Variants in CPNE4 observed in about 807,000 individuals in gnomAD.
The protein encoded by CPNE4 is copine-4.
Under a neutral mutation model 67.9 loss-of-function variants are expected in CPNE4, and 25 were observed. The observed-to-expected ratio is 0.37, with a 90% CI of 0.27 to 0.51. The LOEUF (loss-of-function observed/expected upper bound fraction) is 0.51. CPNE4 is among the 20% of genes least tolerant of loss of function. CPNE4 has a pLI of 0.93. For missense variants in CPNE4, 464 were observed against 690.8 expected, an observed-to-expected ratio of 0.67 and a Z score of 3.68; for synonymous variants, 242 against 244.9, an observed-to-expected ratio of 0.99 and a Z score of 0.11.
chr3:131,540,298 G>A (rs1353181986), intron 15 of CPNE4, among the ~76,000 whole-genome samples: 2 of 152,168 alleles, frequency 1.3e-5, no homozygotes, highest in African/African-American at 2.4e-5. Context: ...GTACAGTTAT[G>A]AACAATACCT....
intron 7 of CPNE4, among the ~76,000 whole-genome samples, chr3:131,617,622 A>C (rs1007184071): frequency 6.6e-6 from 1 of 152,192 alleles, no homozygotes; most frequent in African/African-American, 2.4e-5. Flanking sequence ...TTCCCATGCC[A>C]CACTCCCTGT....
rs370738406 is a variant in CPNE4 at position 131,794,459 on chromosome 3, G to A, written c.181-70834C>T. Among the ~76,000 whole-genome samples, 18 of 152,182 alleles carry A rather than the reference G, an allele frequency of 1.2e-4. 1 individual carries two copies. Among genetic ancestry groups the A allele is most frequent in the African/African-American group, 4.3e-4 (18 of 41,528 alleles). ...GGGGTTTCACCATGTTGGCCAGGAT[G>A]GTGTCGATCTCTTGACCTTGTGATC... is the stretch of plus-strand genomic sequence containing the variant. On this transcript the variant is annotated intron_variant, in intron 2 of 15. Coordinates refer to ENST00000429747, the MANE Select transcript of CPNE4 (RefSeq NM_130808.3).
chr3:131,926,389 T>C (rs2070896013), intron 1 of CPNE4, among the ~76,000 whole-genome samples: 1 of 151,968 alleles, frequency 6.6e-6, no homozygotes, highest in Non-Finnish European at 1.5e-5. Context: ...GAATTTAAGA[T>C]GAAAAATAAT....
chr3:131,723,916 T>C lies in CPNE4; in HGVS notation c.181-291A>G, dbSNP rs375264352. ...TTATATCATTATGTCATTTTGTTGA[T>C]GGGAAAACTGAGGTCCAGGGAATTG... On this transcript the variant is annotated intron_variant, in intron 2 of 15. Transcript: ENST00000429747. Among the ~76,000 whole-genome samples the C allele has an allele frequency of 3.0e-4, 45 of 152,072 alleles. No homozygotes were observed. The East Asian group carries it at 5.3e-3, about 18-fold the overall frequency.
intron 1 of CPNE4, among the ~76,000 whole-genome samples, chr3:131,934,246 T>G (rs2071153869): frequency 6.6e-6 from 1 of 152,002 alleles, no homozygotes; most frequent in South Asian, 2.1e-4. Context: ...TTAGGTGGAG[T>G]TAGCAGGTGA....
At chr3:131,998,765 CT>C (rs2073357741) in intron 1 of CPNE4, among the ~76,000 whole-genome samples, 1 of 152,012 alleles carries the variant, frequency 6.6e-6, no homozygotes. Flanking sequence ...TTTGTTCATT[CT>C]TTATTTGCTT....
chr3:131,979,105 C>T (rs1381755119), intron 1 of CPNE4, among the ~76,000 whole-genome samples: 1 of 151,872 alleles, frequency 6.6e-6, no homozygotes, highest in Non-Finnish European at 1.5e-5. Context: ...ATTTTATGGC[C>T]TTTCATATGG....
intron 2 of CPNE4, among the ~76,000 whole-genome samples, chr3:131,874,226 C>A (rs866888321): frequency 6.6e-6 from 1 of 151,972 alleles, no homozygotes; most frequent in African/African-American, 2.4e-5. Flanking sequence ...GTAGCTGAGA[C>A]TACAGGCGCC....
intron 1 of CPNE4, among the ~76,000 whole-genome samples, chr3:131,930,830 G>T (rs1371844254): frequency 1.3e-5 from 2 of 152,062 alleles, no homozygotes; most frequent in Non-Finnish European, 2.9e-5. Flanking sequence ...ATTGAATAGT[G>T]GGGAGCTCTC....
Position 131,535,126 on chromosome 3 carries a change from G to A in CPNE4, c.*69C>T. The A allele has an allele frequency of 1.4e-6, 2 of 1,449,456 alleles. No individual in the cohort carries two copies. The highest frequency in any genetic ancestry group is 2.1e-4 in the Middle Eastern group (1 of 4,656). 89.8% of individuals were successfully genotyped at this position (1,449,456 alleles called of 1,614,324 possible). A position where few individuals can be genotyped will look rare whatever the true frequency, so the allele number is the denominator to read the frequency against. On this transcript the variant is annotated 3_prime_UTR_variant, in exon 16 of 16. Coordinates refer to ENST00000429747, the MANE Select transcript of CPNE4 (RefSeq NM_130808.3). ...GTTGGTTTTTTAAAGTACAGGAGTA[G>A]TAGAAGTATTAAATATGAAATATTA...
rs564306837 is a variant in CPNE4, at chr3:131,789,358, A to C, written c.181-65733T>G. 2.0e-5 allele frequency among the ~76,000 whole-genome samples: 3 copies of C among 152,280 alleles called. No homozygotes were observed. In the South Asian group the frequency reaches 6.2e-4, roughly 32 times the overall value. Reference sequence around the variant, plus strand: ...CTTCTTTTACAAAATGAGGTTATAAATATCCACCTAATAGTAGTGTGGCAG... The same window carrying C: ...CTTCTTTTACAAAATGAGGTTATAACTATCCACCTAATAGTAGTGTGGCAG... On this transcript the variant is annotated intron_variant, in intron 2 of 15. Transcript: ENST00000429747.
intron 7 of CPNE4, among the ~76,000 whole-genome samples, chr3:131,607,619 T>G (rs1939582170): frequency 6.6e-6 from 1 of 152,178 alleles, no homozygotes; most frequent in South Asian, 2.1e-4. Context: ...AAGGTTATCA[T>G]TTTTGAAAAA....
chr3:131,879,287 A>G (rs985012970), intron 2 of CPNE4, among the ~76,000 whole-genome samples: 2 of 152,226 alleles, frequency 1.3e-5, no homozygotes, highest in Non-Finnish European at 2.9e-5. Flanking sequence ...TATACATAAC[A>G]AGGCTGAAAT....
intron 3 of CPNE4, among the ~76,000 whole-genome samples, chr3:131,720,580 G>C (rs759224427): frequency 6.6e-6 from 1 of 152,130 alleles, no homozygotes; most frequent in South Asian, 2.1e-4. Flanking sequence ...CACCGCGCCC[G>C]GCTAGGAATG....
intron 1 of CPNE4, among the ~76,000 whole-genome samples, chr3:131,977,810 T>C (rs189809287): frequency 5.3e-5 from 8 of 151,782 alleles, no homozygotes; most frequent in Admixed American, 5.3e-4. Flanking sequence ...ACCATATTTG[T>C]AGTCTTTTAT....
chr3:131,856,784 C>T (rs1482868006), intron 2 of CPNE4, among the ~76,000 whole-genome samples: 1 of 152,006 alleles, frequency 6.6e-6, no homozygotes, highest in Non-Finnish European at 1.5e-5. Flanking sequence ...TGCCTTAAAG[C>T]ATTTGATCCT....
Position 131,555,559 on chromosome 3 carries a change from C to A in CPNE4, c.1062-8G>T. The A allele has an allele frequency of 6.2e-7, 1 of 1,611,436 alleles. No individual in the cohort carries two copies. Among genetic ancestry groups the A allele is most frequent in the Admixed American group, 1.7e-5 (1 of 59,786 alleles). ...GCAGGGAACATTTTGTCACTGAAAC[C>A]AAAATGAAGAAAAGAAAAAACAAGA... On this transcript the variant is annotated splice_region_variant and splice_polypyrimidine_tract_variant and intron_variant, in intron 11 of 15. Coordinates refer to ENST00000429747, the MANE Select transcript of CPNE4 (RefSeq NM_130808.3).
upstream of CPNE4, chr3:132,037,482 C>G: frequency 9.2e-7 from 1 of 1,087,708 alleles, no homozygotes; most frequent in Non-Finnish European, 1.4e-6. Flanking sequence ...ATCACTGCCC[C>G]CACAGCAAGT....
At chr3:132,007,961 T>A (rs1252572926) in intron 1 of CPNE4, among the ~76,000 whole-genome samples, 1 of 152,174 alleles carries the variant, frequency 6.6e-6, no homozygotes, top group Admixed American at 6.5e-5. Flanking sequence ...CATTTCTTTG[T>A]TGGAGGCATG....
Sources: gnomAD v4.1 joint callset for allele counts (sites outside exome capture counted in the v4.1 genomes callset) on GRCh38, gnomAD v4.1.1 for gene constraint, MANE v1.5 for transcripts, NCBI Gene and HGNC (gene_info 2026-07-23, HGNC 2026-07-21) for gene names.